Variants in CSMD3 observed in about 807,000 individuals in gnomAD.
CSMD3 encodes CUB and sushi domain-containing protein 3.
In CSMD3, 177 loss-of-function variants were observed where a neutral mutation model predicts 435.2. That is an observed-to-expected ratio of 0.41 (90% CI 0.36 to 0.46). The LOEUF (loss-of-function observed/expected upper bound fraction) is 0.46, where lower values mean the gene tolerates loss of function less well. Ranked by LOEUF, CSMD3 falls within the 20% of genes least tolerant of loss-of-function variation. CSMD3 has a pLI of 0.34. For synonymous variants in CSMD3, 1,656 were observed against 1,520.5 expected (o/e 1.09, Z -2.07); for missense variants, 4,265 against 4,504.6 (o/e 0.95, Z 1.52).
At chr8:112,229,889 T>TAAAAAAAA (rs60494083) in intron 69 of CSMD3, among the ~76,000 whole-genome samples, 1 of 141,608 alleles carries the variant, frequency 7.1e-6, no homozygotes. Context: ...CAGCCGAGAT[T>TAAAAAAAA]AAAAAAAAAA....
chr8:112,529,321 G>A (rs756527653), intron 27 of CSMD3, among the ~76,000 whole-genome samples: 10 of 152,084 alleles, frequency 6.6e-5, no homozygotes, highest in East Asian at 1.9e-4. Flanking sequence ...CAGTTAATGC[G>A]GTACAGTGGC....
At chr8:113,341,408 C>G (rs1448933211) in intron 1 of CSMD3, among the ~76,000 whole-genome samples, 3 of 152,074 alleles carry the variant, frequency 2.0e-5, no homozygotes, top group Non-Finnish European at 4.4e-5. Context: ...AATAATCATT[C>G]AGGCAAAACC....
At position 112,872,515 on chromosome 8, in the gene CSMD3, G is replaced by T. The variant is rs569365177; in HGVS notation, c.1634-13249C>A. Among the ~76,000 whole-genome samples the T allele has an allele frequency of 8.3e-4, 126 of 151,992 alleles. 2 individuals carry two copies. In the South Asian group the frequency reaches 0.024, roughly 29 times the overall value. ...AGCAAATGCAATTCCTATGAAAGAC[G>T]AGAAATATAATGTACAGATTTTTCA... is the stretch of plus-strand genomic sequence containing the variant. On this transcript the variant is annotated intron_variant, in intron 10 of 70. Coordinates refer to ENST00000297405, the MANE Select transcript of CSMD3 (RefSeq NM_198123.2).
intron 27 of CSMD3, among the ~76,000 whole-genome samples, chr8:112,549,322 G>A (rs1827470607): frequency 6.6e-6 from 1 of 151,820 alleles, no homozygotes; most frequent in African/African-American, 2.4e-5. Flanking sequence ...CTAATTCGGA[G>A]CCATTTATAT....
chr8:112,628,037 A>G (rs780795223), intron 22 of CSMD3, among the ~76,000 whole-genome samples: 1 of 152,184 alleles, frequency 6.6e-6, no homozygotes, highest in Non-Finnish European at 1.5e-5. Context: ...GGATGTCTGT[A>G]AATTTGTTTG....
At chr8:113,038,563 C>T (rs2087459778) in intron 5 of CSMD3, among the ~76,000 whole-genome samples, 1 of 152,050 alleles carries the variant, frequency 6.6e-6, no homozygotes, top group African/African-American at 2.4e-5. Flanking sequence ...GGTACATGGC[C>T]TAGCAAATTC....
intron 10 of CSMD3, among the ~76,000 whole-genome samples, chr8:112,888,006 C>A (rs1445987724): frequency 5.9e-5 from 9 of 151,580 alleles, no homozygotes. Context: ...CCCCTACGTA[C>A]ATATATAACC....
chr8:112,866,720 C>T (rs909865956), intron 10 of CSMD3, among the ~76,000 whole-genome samples: 1 of 152,084 alleles, frequency 6.6e-6, no homozygotes, highest in Admixed American at 6.6e-5. Context: ...GTGTCAGAGA[C>T]TAACTTGATA....
At chr8:112,292,764 G>T (rs1044126733) in intron 54 of CSMD3, 54 bp from the exon 55 acceptor site, 1 of 1,453,804 alleles carries the variant, frequency 6.9e-7, no homozygotes, top group Non-Finnish European at 9.6e-7. Flanking sequence ...AAAATATTTA[G>T]TTATCAGTTA....
chr8:113,128,645 C>T (rs571637055), intron 4 of CSMD3, among the ~76,000 whole-genome samples: 11 of 151,800 alleles, frequency 7.2e-5, no homozygotes, highest in Non-Finnish European at 1.3e-4. Flanking sequence ...TTAAAAACTG[C>T]AAAATAAATA....
intron 19 of CSMD3, among the ~76,000 whole-genome samples, chr8:112,648,283 A>T (rs1422059119): frequency 6.6e-6 from 1 of 152,202 alleles, no homozygotes; most frequent in Non-Finnish European, 1.5e-5. Flanking sequence ...ACAGAAAAAA[A>T]TTATTATTAA....
intron 3 of CSMD3, among the ~76,000 whole-genome samples, chr8:113,273,830 C>G (rs1187641342): frequency 1.3e-5 from 2 of 152,046 alleles, no homozygotes; most frequent in African/African-American, 2.4e-5. Flanking sequence ...TTAGGATAAA[C>G]TATCAGGTAT....
intron 13 of CSMD3, among the ~76,000 whole-genome samples, chr8:112,737,049 G>C (rs976266643): frequency 2.4e-4 from 37 of 151,838 alleles, no homozygotes; most frequent in African/African-American, 8.7e-4. Context: ...GAAAAGTTGA[G>C]GCAACCTTCA....
chr8:112,642,063 A>T (rs913328615), intron 20 of CSMD3, among the ~76,000 whole-genome samples: 5 of 151,948 alleles, frequency 3.3e-5, no homozygotes, highest in African/African-American at 1.2e-4. Flanking sequence ...AAGATGCCCA[A>T]TAAAGGTAAT....
At chr8:112,711,675 C>A (rs2076612922) in intron 13 of CSMD3, among the ~76,000 whole-genome samples, 1 of 152,130 alleles carries the variant, frequency 6.6e-6, no homozygotes. Context: ...ATTGTCACTA[C>A]AATTGATTTT....
At chr8:112,512,905 C>G (rs1439600767) in intron 28 of CSMD3, among the ~76,000 whole-genome samples, 3 of 152,160 alleles carry the variant, frequency 2.0e-5, no homozygotes, top group Admixed American at 6.5e-5. Context: ...ATTCACGTTC[C>G]ACTTTAATGT....
chr8:112,517,179 C>T lies in CSMD3; in HGVS notation c.4611G>A (p.Gly1537=), dbSNP rs2130989619. 4 of 1,613,694 alleles carry T rather than the reference C, an allele frequency of 2.5e-6. No homozygotes were observed. Among genetic ancestry groups the T allele is most frequent in the East Asian group, 2.2e-5 (1 of 44,836 alleles). Residue 1537 remains glycine (G), a synonymous_variant, in exon 28 of 71, where the codon GGG becomes GGA. Transcript: ENST00000297405. The stretch of plus-strand genomic sequence containing the variant: ...GTTCTCTTCCATCCCCATTTCGAGT[C>T]CCATTCATGGGGACCCCTGGGTCAC... The part of the protein sequence containing the change: ...ACRDPGVPMN[G]TRNGDGREPG...
At chr8:113,252,745 T>C (rs1360539311) in intron 3 of CSMD3, among the ~76,000 whole-genome samples, 1 of 152,154 alleles carries the variant, frequency 6.6e-6, no homozygotes, top group East Asian at 1.9e-4. Context: ...TTTAAAACTA[T>C]AAATACCACA....
At chr8:112,255,495 A>C in intron 61 of CSMD3, 68 bp from the exon 62 acceptor site, 1 of 1,337,770 alleles carries the variant, frequency 7.5e-7, no homozygotes, top group Admixed American at 1.7e-5. Context: ...GTTTGGAAAA[A>C]TGGTGACAAT....
Sources: allele counts gnomAD v4.1 joint callset (sites outside exome capture counted in the v4.1 genomes callset), GRCh38; gene constraint gnomAD v4.1.1; transcripts MANE v1.5; gene names NCBI Gene and HGNC (gene_info 2026-07-23, HGNC 2026-07-21).